The following CDH13 variants were observed in gnomAD, a reference collection of about 807,000 sequenced individuals.
The protein encoded by CDH13 is cadherin-13.
CDH13 carries 24 observed loss-of-function variants against 63.8 expected under a neutral mutation model. The observed-to-expected ratio is 0.38, with a 90% CI of 0.27 to 0.53. The LOEUF (loss-of-function observed/expected upper bound fraction) is 0.53. Among genes scored for constraint, CDH13 ranks in the 20% least tolerant of loss-of-function variants. CDH13 has a pLI of 0.85. For synonymous variants in CDH13, 503 were observed against 355.3 expected (o/e 1.42, Z -4.67); for missense variants, 1,049 against 903.1 (o/e 1.16, Z -2.07).
chr16:83,147,747 TG>T (rs2151688591), intron 4 of CDH13, among the ~76,000 whole-genome samples: 1 of 152,242 alleles, frequency 6.6e-6, no homozygotes, highest in South Asian at 2.1e-4. Flanking sequence ...AGAGGGCTTT[TG>T]TTTGTCCACC....
chr16:83,467,453 G>A (rs2073344803), intron 6 of CDH13, among the ~76,000 whole-genome samples: 1 of 152,124 alleles, frequency 6.6e-6, no homozygotes, highest in African/African-American at 2.4e-5. Context: ...TGCCTGGAGT[G>A]CAGACATCTT....
At chr16:82,842,356 A>T (rs1192171649) in intron 1 of CDH13, among the ~76,000 whole-genome samples, 3 of 151,790 alleles carry the variant, frequency 2.0e-5, no homozygotes, top group African/African-American at 7.3e-5. Context: ...CAAGGACTAC[A>T]AATGATGGTA....
chr16:82,771,480 T>G (rs1005392833), intron 1 of CDH13, among the ~76,000 whole-genome samples: 1 of 152,196 alleles, frequency 6.6e-6, no homozygotes, highest in Admixed American at 6.5e-5. Context: ...TATTCTGCCG[T>G]CAGCATTACA....
intron 8 of CDH13, among the ~76,000 whole-genome samples, chr16:83,666,103 A>C (rs1322459014): frequency 6.6e-6 from 1 of 152,174 alleles, no homozygotes; most frequent in African/African-American, 2.4e-5. Flanking sequence ...AACTTTATCT[A>C]TTTTTTCCAA....
chr16:82,698,465 A>C (rs771292789), intron 1 of CDH13, among the ~76,000 whole-genome samples: 1 of 152,246 alleles, frequency 6.6e-6, no homozygotes, highest in Non-Finnish European at 1.5e-5. Context: ...CTGCCCATGC[A>C]TATGGGCTCA....
intron 6 of CDH13, chr16:83,396,596 C>G (rs3736239): frequency 0.69 from 104,790 of 152,016 alleles, 36,320 homozygotes; most frequent in East Asian, 0.79. Context: ...TTGGCTTTAC[C>G]TGAACTCTCT....
At chr16:83,761,535 G>A (rs1487247401) in intron 11 of CDH13, among the ~76,000 whole-genome samples, 4 of 152,202 alleles carry the variant, frequency 2.6e-5, no homozygotes, top group African/African-American at 9.7e-5. Flanking sequence ...AAATGGAAAT[G>A]AGGCACAAAA....
At chr16:83,564,483 A>C (rs1350076050) in intron 7 of CDH13, among the ~76,000 whole-genome samples, 2 of 142,514 alleles carry the variant, frequency 1.4e-5, no homozygotes, top group Non-Finnish European at 3.0e-5. Flanking sequence ...ATCTCAGCTC[A>C]CTGCAACCTC....
chr16:82,925,558 G>T (rs554212031), intron 2 of CDH13, among the ~76,000 whole-genome samples: 1 of 152,152 alleles, frequency 6.6e-6, no homozygotes, highest in Non-Finnish European at 1.5e-5. Context: ...GTGAGTATTC[G>T]TGTCCCCAGC....
rs117589518 is a variant in CDH13, at chr16:82,915,632, G to A, written c.157+57159G>A. On this transcript the variant is annotated intron_variant, in intron 2 of 13. Coordinates refer to ENST00000567109, the MANE Select transcript of CDH13 (RefSeq NM_001257.5). ...AATATCCTCCCAAACTGGATGGCATGTCCCAAGGGCTGTGGTCTTATCTAC... is the reference window on the plus strand; with the variant it reads ...AATATCCTCCCAAACTGGATGGCATATCCCAAGGGCTGTGGTCTTATCTAC... Among the ~76,000 whole-genome samples the A allele has an allele frequency of 9.8e-3, 1,484 of 152,056 alleles. 9 individuals are homozygous for A. The highest frequency in any genetic ancestry group is 0.014 in the Non-Finnish European group (951 of 68,008).
intron 7 of CDH13, among the ~76,000 whole-genome samples, chr16:83,540,671 A>G (rs748619618): frequency 2.0e-5 from 3 of 152,232 alleles, no homozygotes; most frequent in Non-Finnish European, 4.4e-5. Flanking sequence ...CATCTCAAGT[A>G]GTAACTGTTG....
At chr16:82,761,259 C>T (rs1320464248) in intron 1 of CDH13, among the ~76,000 whole-genome samples, 2 of 151,934 alleles carry the variant, frequency 1.3e-5, no homozygotes, top group Non-Finnish European at 2.9e-5. Context: ...CTCAGGTGAT[C>T]TGCCCTCCTC....
At chr16:82,971,778 T>A (rs1908784266) in intron 2 of CDH13, among the ~76,000 whole-genome samples, 1 of 152,246 alleles carries the variant, frequency 6.6e-6, no homozygotes, top group Non-Finnish European at 1.5e-5. Context: ...CATTGGATTG[T>A]TTCCCCTTAA....
rs1388846441 is a variant in CDH13, at chr16:83,560,611, A to G, written c.961-41843A>G. Among the ~76,000 whole-genome samples the G allele has an allele frequency of 2.6e-5, 4 of 152,342 alleles. 1 individual carries two copies. The highest frequency in any genetic ancestry group is 9.6e-5 in the African/African-American group (4 of 41,586). On this transcript the variant is annotated intron_variant, in intron 7 of 13. Transcript: ENST00000567109. ...GACCTACTATTTAGAGTTTCACTTA[A>G]CATTGTTTCTCTGTAATGTTGATGA...
intron 2 of CDH13, among the ~76,000 whole-genome samples, chr16:82,993,873 T>G (rs909202647): frequency 5.9e-5 from 9 of 152,172 alleles, no homozygotes; most frequent in African/African-American, 1.9e-4. Flanking sequence ...ACCTGGTGCT[T>G]CGTTCTTTGG....
chr16:83,343,339 T>C (rs887413529), intron 5 of CDH13, among the ~76,000 whole-genome samples: 1 of 152,238 alleles, frequency 6.6e-6, no homozygotes. Flanking sequence ...ATTATTGTAT[T>C]GTAATATGTT....
chr16:83,106,600 A>C (rs6565125), intron 3 of CDH13, among the ~76,000 whole-genome samples: 19,463 of 152,194 alleles, frequency 0.13, 1,691 homozygotes, highest in African/African-American at 0.25. Flanking sequence ...GGAATGATTT[A>C]ATACATGTTG....
At chr16:82,774,334 T>C (rs1165489973) in intron 1 of CDH13, among the ~76,000 whole-genome samples, 1 of 151,800 alleles carries the variant, frequency 6.6e-6, no homozygotes, top group Non-Finnish European at 1.5e-5. Context: ...TTTTTTTTTT[T>C]TTTCATTTCT....
At chr16:83,045,548 A>T (rs957610508) in intron 3 of CDH13, among the ~76,000 whole-genome samples, 1 of 151,082 alleles carries the variant, frequency 6.6e-6, no homozygotes, top group African/African-American at 2.4e-5. Context: ...GAGGCAGGAG[A>T]ATCGCTCGAA....
Sources: gnomAD v4.1 joint callset for allele counts (sites outside exome capture counted in the v4.1 genomes callset) on GRCh38, gnomAD v4.1.1 for gene constraint, MANE v1.5 for transcripts, NCBI Gene and HGNC (gene_info 2026-07-23, HGNC 2026-07-21) for gene names.